Variants in RBFOX1 observed in about 807,000 individuals in gnomAD.
RBFOX1 encodes the protein RNA binding protein fox-1 homolog 1.
A neutral mutation model predicts 57.7 loss-of-function variants in RBFOX1; 8 were observed. That is an observed-to-expected ratio of 0.14 (90% CI 0.08 to 0.25). RBFOX1 has a LOEUF of 0.25. Ranked by LOEUF, RBFOX1 falls within the 10% of genes least tolerant of loss-of-function variation. The pLI, the probability that RBFOX1 is intolerant of heterozygous loss-of-function variation, is 1.00. For synonymous variants in RBFOX1, 326 were observed against 222.4 expected (o/e 1.47, Z -4.15); for missense variants, 611 against 548.5 (o/e 1.11, Z -1.14).
intron 3 of RBFOX1, among the ~76,000 whole-genome samples, chr16:6,727,128 A>ATT (rs1006084274): frequency 6.6e-6 from 1 of 150,774 alleles, no homozygotes; most frequent in African/African-American, 2.4e-5. Context: ...GTGTGTGTAT[A>ATT]TATAAAACAT....
chr16:6,137,794 A>C (rs1041324371), intron 1 of RBFOX1, among the ~76,000 whole-genome samples: 29 of 151,590 alleles, frequency 1.9e-4, no homozygotes, highest in African/African-American at 7.0e-4. Flanking sequence ...TTTTTTGTAG[A>C]GACAGGTTCC....
intron 4 of RBFOX1, among the ~76,000 whole-genome samples, chr16:7,317,727 A>G (rs549897153): frequency 6.6e-6 from 1 of 152,310 alleles, no homozygotes; most frequent in East Asian, 1.9e-4. Flanking sequence ...AACAGAACTG[A>G]CTTTGAGTCT....
At chr16:7,630,809 A>G in intron 11 of RBFOX1, 126 bp downstream of exon 11, 1 of 1,476,472 alleles carries the variant, frequency 6.8e-7, no homozygotes, top group African/African-American at 1.4e-5. Flanking sequence ...TCTGAGGTGA[A>G]GTTAATTTTC....
At position 6,572,994 on chromosome 16, in the gene RBFOX1, T is replaced by G. The variant is rs189291339; in HGVS notation, c.-63-81609T>G. Among the ~76,000 whole-genome samples the G allele has an allele frequency of 1.8e-4, 28 of 152,250 alleles. No homozygotes were observed. In the East Asian group the frequency reaches 3.7e-3, roughly 20 times the overall value. ...TTCCCTCGGGGACCTTGAACTCAAG[T>G]CTAGTCAGGGATCACTCTATTAAGA... On this transcript the variant is annotated intron_variant, in intron 2 of 15. Coordinates refer to ENST00000550418, the MANE Select transcript of RBFOX1 (RefSeq NM_018723.4).
At chr16:7,509,790 T>C (rs1057284469) in intron 4 of RBFOX1, among the ~76,000 whole-genome samples, 4 of 152,264 alleles carry the variant, frequency 2.6e-5, no homozygotes, top group East Asian at 3.9e-4. Context: ...CTTTTATCCC[T>C]GAATGTTTGC....
upstream of RBFOX1, chr16:5,239,764 C>T (rs1336838295): frequency 7.2e-6 from 4 of 555,290 alleles, no homozygotes; most frequent in Non-Finnish European, 9.1e-6. Context: ...CGCGCCGGCC[C>T]CGATGCCCAG....
At chr16:6,247,168 T>G (rs180804864) in intron 1 of RBFOX1, among the ~76,000 whole-genome samples, 1 of 152,324 alleles carries the variant, frequency 6.6e-6, no homozygotes, top group Non-Finnish European at 1.5e-5. Flanking sequence ...CTATAACAAT[T>G]AAATTCAGTA....
At chr16:6,944,852 C>T (rs566447259) in intron 3 of RBFOX1, among the ~76,000 whole-genome samples, 9 of 152,244 alleles carry the variant, frequency 5.9e-5, no homozygotes, top group African/African-American at 1.9e-4. Context: ...ATCCAATTAG[C>T]AACTCCAATT....
At chr16:7,149,223 C>A (rs1260996536) in intron 4 of RBFOX1, among the ~76,000 whole-genome samples, 1 of 152,150 alleles carries the variant, frequency 6.6e-6, no homozygotes, top group Non-Finnish European at 1.5e-5. Flanking sequence ...GACTGCTGGA[C>A]TTCCTGGTGC....
chr16:7,617,027 C>T (rs1033152161), intron 10 of RBFOX1, among the ~76,000 whole-genome samples: 2 of 150,874 alleles, frequency 1.3e-5, no homozygotes, highest in African/African-American at 4.9e-5. Context: ...TTTATAGTGA[C>T]ATCTGTAATG....
chr16:5,739,079 T>G (rs1170669677), intron 3 of RBFOX1, among the ~76,000 whole-genome samples: 2 of 152,226 alleles, frequency 1.3e-5, no homozygotes, highest in African/African-American at 4.8e-5. Flanking sequence ...AATCTAACAG[T>G]TCTGTTGCCT....
At chr16:5,990,790 A>G (rs924342304) in intron 4 of RBFOX1, among the ~76,000 whole-genome samples, 1 of 152,212 alleles carries the variant, frequency 6.6e-6, no homozygotes, top group Non-Finnish European at 1.5e-5. Flanking sequence ...CCTGGCCAAC[A>G]TGAGGAAAAT....
At chr16:7,471,355 G>A (rs568614977) in intron 4 of RBFOX1, among the ~76,000 whole-genome samples, 3 of 152,114 alleles carry the variant, frequency 2.0e-5, no homozygotes, top group South Asian at 2.1e-4. Context: ...AAAACTGCTG[G>A]GCTAATTTTT....
chr16:6,684,480 A>AGAT (rs1401791864), intron 3 of RBFOX1, among the ~76,000 whole-genome samples: 2 of 152,212 alleles, frequency 1.3e-5, no homozygotes, highest in East Asian at 3.8e-4. Flanking sequence ...CCTGAACTTA[A>AGAT]GTCTTGCAAA....
chr16:6,403,215 A>T (rs2093145989), intron 2 of RBFOX1, among the ~76,000 whole-genome samples: 1 of 152,158 alleles, frequency 6.6e-6, no homozygotes, highest in Non-Finnish European at 1.5e-5. Context: ...CTGCATTTTA[A>T]ACCAAGATAC....
chr16:6,965,480 G>A (rs1267097745), intron 3 of RBFOX1, among the ~76,000 whole-genome samples: 1 of 152,060 alleles, frequency 6.6e-6, no homozygotes, highest in African/African-American at 2.4e-5. Context: ...GGGATTACAG[G>A]CGTGCGCCAC....
chr16:6,889,980 A>T (rs139134138), intron 3 of RBFOX1, among the ~76,000 whole-genome samples: 5 of 152,242 alleles, frequency 3.3e-5, no homozygotes, highest in African/African-American at 1.2e-4. Flanking sequence ...CAGGAGACCA[A>T]TGTGTTTATA....
intron 3 of RBFOX1, among the ~76,000 whole-genome samples, chr16:6,752,249 T>G (rs1188512984): frequency 6.6e-6 from 1 of 152,202 alleles, no homozygotes; most frequent in Non-Finnish European, 1.5e-5. Context: ...AATATTGATT[T>G]GTCATTTATA....
chr16:5,308,115 G>C (rs1023035445), intron 1 of RBFOX1, among the ~76,000 whole-genome samples: 3 of 152,176 alleles, frequency 2.0e-5, no homozygotes, highest in African/African-American at 7.2e-5. Flanking sequence ...TGAGGTGGGC[G>C]GATTACTTGA....
Sources: gnomAD v4.1 joint callset for allele counts (sites outside exome capture counted in the v4.1 genomes callset) on GRCh38, gnomAD v4.1.1 for gene constraint, MANE v1.5 for transcripts, NCBI Gene and HGNC (gene_info 2026-07-23, HGNC 2026-07-21) for gene names.